The following SYNPO2 variants were observed in gnomAD, a reference collection of about 807,000 sequenced individuals.
The protein encoded by SYNPO2 is synaptopodin 2.
A neutral mutation model predicts 85.0 loss-of-function variants in SYNPO2; 56 were observed. The ratio of observed to expected loss-of-function variants is 0.66; its 90% CI spans 0.53 to 0.82. The LOEUF (loss-of-function observed/expected upper bound fraction) is 0.82. SYNPO2 is among the 40% of genes least tolerant of loss of function. The probability of loss-of-function intolerance (pLI) is 0.00; values close to 1 mark genes in which losing one functional copy is unlikely to be tolerated. For synonymous variants in SYNPO2, 602 were observed against 591.1 expected (o/e 1.02, Z -0.27); for missense variants, 1,575 against 1,534.2 (o/e 1.03, Z -0.44).
chr4:118,892,954 A>T (rs1732425541), intron 1 of SYNPO2, among the ~76,000 whole-genome samples: 1 of 152,162 alleles, frequency 6.6e-6, no homozygotes, highest in African/African-American at 2.4e-5. Flanking sequence ...TATAATTCTT[A>T]TCCCTTAGTG....
intron 4 of SYNPO2, chr4:119,034,882 T>C: frequency 6.1e-6 from 6 of 985,530 alleles, no homozygotes; most frequent in Non-Finnish European, 7.2e-6. Context: ...AATCTGAGTG[T>C]TGTTGCCTTA....
chr4:118,970,275 G>A (rs1300824404), intron 1 of SYNPO2, among the ~76,000 whole-genome samples: 1 of 152,080 alleles, frequency 6.6e-6, no homozygotes, highest in African/African-American at 2.4e-5. Flanking sequence ...ACCCTAAGGT[G>A]CTCACATTTT....
At chr4:118,884,866 A>G (rs1351015548), upstream of SYNPO2, among the ~76,000 whole-genome samples, 2 of 152,204 alleles carry the variant, frequency 1.3e-5, no homozygotes. Flanking sequence ...TCACAGGGTT[A>G]ATAACCTAGC....
chr4:118,996,939 C>CA (rs1736622790), intron 1 of SYNPO2, among the ~76,000 whole-genome samples: 1 of 148,820 alleles, frequency 6.7e-6, no homozygotes, highest in African/African-American at 2.5e-5. Context: ...TTAATTTTGA[C>CA]AAAAATTTAA....
intron 1 of SYNPO2, among the ~76,000 whole-genome samples, chr4:118,906,384 A>G (rs1195206837): frequency 1.3e-5 from 2 of 152,194 alleles, no homozygotes; most frequent in African/African-American, 4.8e-5. Flanking sequence ...GGAGACCTGA[A>G]TTCGAGGTAT....
intron 1 of SYNPO2, among the ~76,000 whole-genome samples, chr4:118,944,410 A>T (rs537878767): frequency 2.0e-5 from 3 of 152,274 alleles, no homozygotes; most frequent in South Asian, 2.1e-4. Flanking sequence ...TTTTTGGAAT[A>T]TCTACAGTAA....
At chr4:118,896,893 A>G (rs189020437) in intron 1 of SYNPO2, among the ~76,000 whole-genome samples, 51 of 152,254 alleles carry the variant, frequency 3.3e-4, no homozygotes, top group African/African-American at 1.2e-3. Flanking sequence ...TTGGATTTTT[A>G]TAATCCTACT....
intron 1 of SYNPO2, among the ~76,000 whole-genome samples, chr4:118,874,108 G>A (rs931289971): frequency 6.6e-6 from 1 of 152,086 alleles, no homozygotes; most frequent in East Asian, 1.9e-4. Context: ...ATGCTGTTTT[G>A]GCTACTATAG....
chr4:118,961,911 G>C (rs1357361423), intron 1 of SYNPO2, among the ~76,000 whole-genome samples: 2 of 152,098 alleles, frequency 1.3e-5, no homozygotes, highest in Non-Finnish European at 2.9e-5. Context: ...GCTCTTTAGT[G>C]GGTGTTACCT....
At chr4:119,048,644 G>A (rs1292979814) in intron 4 of SYNPO2, among the ~76,000 whole-genome samples, 2 of 152,178 alleles carry the variant, frequency 1.3e-5, no homozygotes, top group Non-Finnish European at 2.9e-5. Context: ...AAACAAGGTA[G>A]GAGTCATGCT....
chr4:118,903,383 ATTG>A (rs1406023311), intron 1 of SYNPO2, among the ~76,000 whole-genome samples: 1 of 152,142 alleles, frequency 6.6e-6, no homozygotes, highest in African/African-American at 2.4e-5. Context: ...TGTCGTTAGT[ATTG>A]TTATTCTAGT....
At chr4:118,902,744 AGAG>A (rs1004817030) in intron 1 of SYNPO2, among the ~76,000 whole-genome samples, 1 of 152,212 alleles carries the variant, frequency 6.6e-6, no homozygotes, top group African/African-American at 2.4e-5. Flanking sequence ...CCGTGAGAGA[AGAG>A]GAATTTAAGG....
intron 1 of SYNPO2, among the ~76,000 whole-genome samples, chr4:118,882,115 A>G (rs185360122): frequency 6.6e-6 from 1 of 152,330 alleles, no homozygotes; most frequent in African/African-American, 2.4e-5. Context: ...CTGGGATATT[A>G]ATTTCTTCCC....
In SYNPO2 at chr4:119,030,011, C is replaced by T. The variant is rs752099665; in HGVS notation, c.1236C>T (p.Tyr412=). Reference sequence around the variant, plus strand: ...CCAGGAAATACACCCTAGTTAGCTACGGTACTGGCGAGCTTGAGCGAGAGG... The same window carrying T: ...CCAGGAAATACACCCTAGTTAGCTATGGTACTGGCGAGCTTGAGCGAGAGG... ...RRARKYTLVS[Y]GTGELEREAD... is the part of the protein sequence containing the mutation. The change falls in exon 4 of 5, where the codon TAC becomes TAT. Residue 412 remains tyrosine (Y), a synonymous_variant. Transcript: ENST00000307142. 3.7e-6 allele frequency: 6 copies of T among 1,613,882 alleles called. No homozygotes were observed. The African/African-American group carries it at 4.0e-5, about 11-fold the overall frequency.
chr4:119,008,688 A>G (rs915022558), intron 1 of SYNPO2, among the ~76,000 whole-genome samples: 6 of 152,318 alleles, frequency 3.9e-5, no homozygotes, highest in South Asian at 4.1e-4. Flanking sequence ...GTTCATCTCA[A>G]GAAATTAACA....
At chr4:119,021,627 G>A (rs575348358) in intron 1 of SYNPO2, among the ~76,000 whole-genome samples, 32 of 152,190 alleles carry the variant, frequency 2.1e-4, no homozygotes, top group Non-Finnish European at 3.5e-4. Flanking sequence ...GGAAATAGGT[G>A]GCATGCTCAA....
At chr4:118,985,583 TA>T (rs1736187991) in intron 1 of SYNPO2, among the ~76,000 whole-genome samples, 1 of 152,340 alleles carries the variant, frequency 6.6e-6, no homozygotes, top group Non-Finnish European at 1.5e-5. Context: ...ACTGACATAT[TA>T]ATAGAGTTAA....
intron 1 of SYNPO2, among the ~76,000 whole-genome samples, chr4:119,015,749 T>C (rs1318397869): frequency 6.6e-6 from 1 of 152,192 alleles, no homozygotes; most frequent in African/African-American, 2.4e-5. Flanking sequence ...TTGGGATCAT[T>C]ATTATTAATG....
chr4:118,889,183 A>C, intron 1 of SYNPO2, 42 bp downstream of exon 1: 1 of 1,569,104 alleles, frequency 6.4e-7, no homozygotes, highest in African/African-American at 1.4e-5. Context: ...GCTAGGAAGG[A>C]AGGAATGAAA....
Sources: allele counts gnomAD v4.1 joint callset (sites outside exome capture counted in the v4.1 genomes callset), GRCh38; gene constraint gnomAD v4.1.1; transcripts MANE v1.5; gene names NCBI Gene and HGNC (gene_info 2026-07-23, HGNC 2026-07-21).